MAN1C1: variants seen among roughly 807,000 people sequenced by gnomAD.
MAN1C1 encodes mannosyl-oligosaccharide 1,2-alpha-mannosidase IC.
MAN1C1 carries 49 observed loss-of-function variants against 71.5 expected under a neutral mutation model. The observed-to-expected ratio is 0.69, with a 90% CI of 0.54 to 0.87. The LOEUF (loss-of-function observed/expected upper bound fraction) is 0.87. Among genes scored for constraint, MAN1C1 ranks in the 40% least tolerant of loss-of-function variants. MAN1C1 has a pLI of 0.00. For synonymous variants in MAN1C1, 352 were observed against 343.7 expected (o/e 1.02, Z -0.27); for missense variants, 743 against 835.0 (o/e 0.89, Z 1.36).
intron 1 of MAN1C1, among the ~76,000 whole-genome samples, chr1:25,657,662 AAC>A (rs2045786979): frequency 6.6e-6 from 1 of 152,156 alleles, no homozygotes; most frequent in Admixed American, 6.5e-5. Flanking sequence ...CCCTTTGACA[AAC>A]ACACAAAAAG....
rs2045123211 is a variant in MAN1C1, at chr1:25,617,682, C to T, written c.-116C>T. The T allele has an allele frequency of 2.2e-5, 21 of 948,302 alleles. No homozygotes were observed. Among genetic ancestry groups the T allele is most frequent in the Non-Finnish European group, 3.0e-5 (20 of 663,522 alleles). The allele number at this position is 948,302 out of a possible 1,614,324, so 58.7% of individuals were successfully genotyped here. ...GAAGCGGCGAAACTCTCAGGGTTGG[C>T]AACCCTGCCCAGGGACCCCCATCCC... On this transcript the variant is annotated 5_prime_UTR_variant, in exon 1 of 12. Coordinates refer to ENST00000374332, the MANE Select transcript of MAN1C1 (RefSeq NM_020379.4). The surrounding 1 kb of genome is among the most constrained non-coding windows in gnomAD (Gnocchi z 5.1).
intron 1 of MAN1C1, among the ~76,000 whole-genome samples, chr1:25,643,421 ATTTT>A (rs11326338): frequency 1.7e-5 from 2 of 115,456 alleles, no homozygotes; most frequent in Non-Finnish European, 3.5e-5. Flanking sequence ...CGCCTGGCTA[ATTTT>A]TTTTTTTTTT....
At position 25,783,869 on chromosome 1, in the gene MAN1C1, T is replaced by G; in HGVS notation, c.*80T>G. ...GATTTGAGACTGTTCTCAAAGGGAT[T>G]GGGAACGAAGGCCCCATCTCGGGCA... On this transcript the variant is annotated 3_prime_UTR_variant, in exon 12 of 12. Transcript: ENST00000374332. The G allele has an allele frequency of 2.6e-6, 4 of 1,533,180 alleles. No individual in the cohort carries two copies. Among genetic ancestry groups the G allele is most frequent in the Middle Eastern group, 2.0e-4 (1 of 5,034 alleles). 95.0% of individuals were successfully genotyped at this position (1,533,180 alleles called of 1,614,324 possible). A position where few individuals can be genotyped will look rare whatever the true frequency, so the allele number is the denominator to read the frequency against.
chr1:25,668,357 T>C (rs1442642652), intron 1 of MAN1C1, among the ~76,000 whole-genome samples: 18 of 152,092 alleles, frequency 1.2e-4, no homozygotes, highest in Admixed American at 9.2e-4. Flanking sequence ...CACACTAGGA[T>C]GTAGAGGCCA....
chr1:25,634,948 G>A lies in MAN1C1; in HGVS notation c.540+16611G>A, dbSNP rs201828171. ...ATATTGGTCTATAGTTTTTTTTTTT[G>A]TAAATCCTTTGTCTGGTTTTTGGTG... On this transcript the variant is annotated intron_variant, in intron 1 of 11. Coordinates refer to ENST00000374332, the MANE Select transcript of MAN1C1 (RefSeq NM_020379.4). This position sits in a 1 kb window ranked among gnomAD's most constrained non-coding sequence, Gnocchi z 4.6. 1.4e-5 allele frequency among the ~76,000 whole-genome samples: 2 copies of A among 143,516 alleles called. No individual in the cohort carries two copies. Among genetic ancestry groups the A allele is most frequent in the Non-Finnish European group, 3.1e-5 (2 of 65,304 alleles). The allele number at this position is 143,516 out of a possible 152,430, so 94.2% of individuals were successfully genotyped here.
chr1:25,656,900 A>T (rs961625802), intron 1 of MAN1C1, among the ~76,000 whole-genome samples: 1 of 149,860 alleles, frequency 6.7e-6, no homozygotes, highest in African/African-American at 2.5e-5. Flanking sequence ...ATCTTGACTC[A>T]CTTCAAGCTC....
At chr1:25,721,329 G>A (rs2046763738) in intron 2 of MAN1C1, among the ~76,000 whole-genome samples, 1 of 152,036 alleles carries the variant, frequency 6.6e-6, no homozygotes, top group South Asian at 2.1e-4. Context: ...AAAGCCAGTT[G>A]GGATTTTGAT....
rs140417616 is a variant in MAN1C1, at chr1:25,627,543, G to T, written c.540+9206G>T. Among the ~76,000 whole-genome samples the T allele has an allele frequency of 5.3e-5, 8 of 152,306 alleles. No individual in the cohort carries two copies. In the East Asian group the frequency reaches 1.5e-3, roughly 29 times the overall value. ...GCCCGCCTCAGCCTCCCAAAGTGCTGGGATTACAGGCGTGAGCCACTGTGC... is the reference window on the plus strand; with the variant it reads ...GCCCGCCTCAGCCTCCCAAAGTGCTTGGATTACAGGCGTGAGCCACTGTGC... On this transcript the variant is annotated intron_variant, in intron 1 of 11. Coordinates refer to ENST00000374332, the MANE Select transcript of MAN1C1 (RefSeq NM_020379.4).
intron 1 of MAN1C1, among the ~76,000 whole-genome samples, chr1:25,684,196 C>T (rs1246394449): frequency 6.6e-6 from 1 of 152,156 alleles, no homozygotes; most frequent in Admixed American, 6.5e-5. Context: ...GCCCCCCAGC[C>T]ACCTGCCTCT....
chr1:25,748,365 G>A (rs2047166154), intron 3 of MAN1C1, among the ~76,000 whole-genome samples: 1 of 152,184 alleles, frequency 6.6e-6, no homozygotes, highest in Non-Finnish European at 1.5e-5. Context: ...TAACAGATGA[G>A]CACTGCTGTT....
Position 25,782,671 on chromosome 1 carries a change from G to A in MAN1C1, c.1737G>A (p.Gln579=), listed in dbSNP as rs774780231. 3.8e-5 allele frequency: 62 copies of A among 1,613,966 alleles called. No homozygotes were observed. Among genetic ancestry groups the A allele is most frequent in the Non-Finnish European group, 5.2e-5 (61 of 1,179,980 alleles). Residue 579 remains glutamine (Q), a synonymous_variant, in exon 11 of 12, where the codon CAG becomes CAA. Coordinates refer to ENST00000374332, the MANE Select transcript of MAN1C1 (RefSeq NM_020379.4). The surrounding 1 kb of genome is among the most constrained non-coding windows in gnomAD (Gnocchi z 4.4). ...YSSTPNHDNK[Q]QSFFLAETLK... ...GCACCCCCAACCACGACAACAAGCA[G>A]CAGAGCTTCTTTCTAGCGGAGACAC...
chr1:25,756,442 G>A (rs536212932), intron 5 of MAN1C1, among the ~76,000 whole-genome samples: 1 of 140,186 alleles, frequency 7.1e-6, no homozygotes, highest in African/African-American at 2.5e-5. Context: ...GTGGGAGAGA[G>A]GAAGGAGAGG....
chr1:25,675,009 TGGAGA>T (rs1374920592), intron 1 of MAN1C1, among the ~76,000 whole-genome samples: 1 of 152,178 alleles, frequency 6.6e-6, no homozygotes, highest in Non-Finnish European at 1.5e-5. Flanking sequence ...GAGAAGTGGA[TGGAGA>T]GATACTTCTC....
In MAN1C1 at chr1:25,617,805, T is replaced by A. The variant is rs753683323; in HGVS notation, c.8T>A (p.Met3Lys). 1.3e-6 allele frequency: 2 copies of A among 1,598,992 alleles called. No individual in the cohort carries two copies. Among genetic ancestry groups the A allele is most frequent in the Non-Finnish European group, 8.5e-7 (1 of 1,174,636 alleles). ML[M>K]RKVPGFVPAS... The stretch of plus-strand genomic sequence containing the variant: ...GCCACCGGCCGGGCCACGATGCTCA[T>A]GAGGAAAGTGCCCGGCTTCGTCCCG... Residue 3 changes from methionine (M) to lysine (K), a missense_variant, in exon 1 of 12, where the codon ATG (methionine) becomes AAG (lysine). Coordinates refer to ENST00000374332, the MANE Select transcript of MAN1C1 (RefSeq NM_020379.4). This position sits in a 1 kb window ranked among gnomAD's most constrained non-coding sequence, Gnocchi z 5.1.
At chr1:25,626,976 A>G (rs960746814) in intron 1 of MAN1C1, among the ~76,000 whole-genome samples, 26 of 152,142 alleles carry the variant, frequency 1.7e-4, no homozygotes, top group Non-Finnish European at 5.9e-5. Context: ...CAGGTTATGA[A>G]TATTTTTTAA....
chr1:25,621,232 A>G (rs938372395), intron 1 of MAN1C1, among the ~76,000 whole-genome samples: 3 of 152,176 alleles, frequency 2.0e-5, no homozygotes, highest in Non-Finnish European at 4.4e-5. Context: ...ATCAGGGACA[A>G]TGGTGTGGTG....
chr1:25,780,866 GAC>G (rs2047683049), intron 9 of MAN1C1, 72 bp from the exon 10 acceptor site: 1 of 1,516,508 alleles, frequency 6.6e-7, no homozygotes, highest in Non-Finnish European at 9.0e-7. Context: ...CAAGGCAACT[GAC>G]ATCTCTCCTG....
chr1:25,677,476 G>T (rs2046085640), intron 1 of MAN1C1, among the ~76,000 whole-genome samples: 1 of 152,116 alleles, frequency 6.6e-6, no homozygotes, highest in Middle Eastern at 3.2e-3. Context: ...CTAGAACCTA[G>T]TGGGGACAGG....
intron 5 of MAN1C1, among the ~76,000 whole-genome samples, chr1:25,756,434 G>A (rs748970493): frequency 2.0e-5 from 3 of 150,276 alleles, no homozygotes; most frequent in Non-Finnish European, 4.4e-5. Context: ...ATGTGGGGGT[G>A]GGAGAGAGGA....
Sources: gnomAD v4.1 joint callset for allele counts (sites outside exome capture counted in the v4.1 genomes callset) on GRCh38, gnomAD v4.1.1 for gene constraint, Gnocchi (gnomAD v3.1) non-coding constraint, MANE v1.5 for transcripts, NCBI Gene and HGNC (gene_info 2026-07-23, HGNC 2026-07-21) for gene names.